TOM1L1: variants seen among roughly 807,000 people sequenced by gnomAD.
TOM1L1 encodes target of myb1 like 1 membrane trafficking protein, also known as TOM1-like protein 1.
In TOM1L1, 64 loss-of-function variants were observed where a neutral mutation model predicts 63.4. That is an observed-to-expected ratio of 1.01 (90% CI 0.83 to 1.24). The LOEUF (loss-of-function observed/expected upper bound fraction) is 1.24, where lower values mean the gene tolerates loss of function less well. TOM1L1 is among the 50% of genes most tolerant of loss of function. The pLI is 0.00. For synonymous variants in TOM1L1, 166 were observed against 194.4 expected, an observed-to-expected ratio of 0.85 and a Z score of 1.22; for missense variants, 536 against 567.0, an observed-to-expected ratio of 0.95 and a Z score of 0.55.
At chr17:54,907,375 T>TTAATC (rs956211874) in intron 3 of TOM1L1, among the ~76,000 whole-genome samples, 42 of 152,316 alleles carry the variant, frequency 2.8e-4, no homozygotes, top group Admixed American at 9.8e-4. Context: ...AGAAACAGAT[T>TTAATC]TATTTCCGAG....
At chr17:54,914,933 T>C (rs1344411994) in intron 6 of TOM1L1, among the ~76,000 whole-genome samples, 190 bp downstream of exon 6, 4 of 152,172 alleles carry the variant, frequency 2.6e-5, no homozygotes, top group South Asian at 2.1e-4. Flanking sequence ...ATCCCATGGG[T>C]TCTGTCTGCT....
rs757074106 is a variant in TOM1L1 at position 54,903,726 on chromosome 17, G to C, written c.77G>C (p.Gly26Ala). ...GHLIEKATFA[G>A]VQTEDWGQFM... is the part of the protein sequence containing the mutation. ...TTGGCAGAAAAGGCTACATTTGCTGGAGTTCAGACTGAAGATTGGGGCCAG... is the reference window on the plus strand; with the variant it reads ...TTGGCAGAAAAGGCTACATTTGCTGCAGTTCAGACTGAAGATTGGGGCCAG... The change falls in exon 2 of 16, where the codon GGA (glycine) becomes GCA (alanine). Residue 26 changes from glycine to alanine, a missense_variant. Physicochemically the swap from Gly to Ala is moderately conservative, Grantham distance 60 (BLOSUM62 0). Transcript: ENST00000575882. 6.8e-6 allele frequency: 11 copies of C among 1,614,046 alleles called. No individual in the cohort carries two copies. Among genetic ancestry groups the C allele is most frequent in the Non-Finnish European group, 8.5e-7 (1 of 1,180,042 alleles).
rs745355707 is a variant in TOM1L1, at chr17:54,914,657, A to G, written c.517A>G (p.Asn173Asp). 2 of 1,613,746 alleles carry G rather than the reference A, an allele frequency of 1.2e-6. No individual in the cohort carries two copies. Among genetic ancestry groups the G allele is most frequent in the Admixed American group, 1.7e-5 (1 of 60,014 alleles). Residue 173 changes from asparagine to aspartate, a missense_variant, in exon 6 of 16, where the codon AAT (asparagine) becomes GAT (aspartate). Coordinates refer to ENST00000575882, the MANE Select transcript of TOM1L1 (RefSeq NM_005486.3). ...CTCATAGACTGCTCAAATCTCATCA[A>G]ATCCTCCAACATCTGTCCCTACTGC... Reference protein sequence around the residue: ...ARQETAQISSNPPTSVPTAPA... With the variant: ...ARQETAQISSDPPTSVPTAPA...
chr17:54,906,610 C>T (rs2048415505), intron 3 of TOM1L1, among the ~76,000 whole-genome samples: 1 of 152,078 alleles, frequency 6.6e-6, no homozygotes, highest in Non-Finnish European at 1.5e-5. Flanking sequence ...CTGAGATGCT[C>T]TCAGCTCATT....
At chr17:54,907,153 C>CTT (rs74686562) in intron 3 of TOM1L1, among the ~76,000 whole-genome samples, 29,953 of 137,190 alleles carry the variant, frequency 0.22, 3,596 homozygotes, top group African/African-American at 0.28. Flanking sequence ...CCCCCTTCAC[C>CTT]TTTTTTTTTT....
chr17:54,941,773 C>T (rs950907949), intron 11 of TOM1L1, among the ~76,000 whole-genome samples: 1 of 152,118 alleles, frequency 6.6e-6, no homozygotes, highest in African/African-American at 2.4e-5. Context: ...ATTGCTGGTC[C>T]CCAGAAACTC....
intron 4 of TOM1L1, among the ~76,000 whole-genome samples, chr17:54,913,383 C>T (rs775631510): frequency 2.0e-4 from 30 of 151,980 alleles, no homozygotes; most frequent in Non-Finnish European, 3.8e-4. Context: ...ATTGTGTTTT[C>T]GGCTGGGTGC....
At chr17:54,913,400 T>G (rs2048526699) in intron 4 of TOM1L1, among the ~76,000 whole-genome samples, 1 of 152,146 alleles carries the variant, frequency 6.6e-6, no homozygotes, top group African/African-American at 2.4e-5. Context: ...GTGCGGTGGC[T>G]CACGCCTGTA....
intron 7 of TOM1L1, among the ~76,000 whole-genome samples, chr17:54,925,630 G>A (rs1470984081): frequency 1.3e-5 from 2 of 152,236 alleles, no homozygotes; most frequent in African/African-American, 2.4e-5. Context: ...GAGGCCAGAT[G>A]CGATGGAGCA....
At chr17:54,927,938 G>C (rs1313396012) in intron 7 of TOM1L1, among the ~76,000 whole-genome samples, 1 of 152,086 alleles carries the variant, frequency 6.6e-6, no homozygotes, top group Non-Finnish European at 1.5e-5. Flanking sequence ...TGTGACTGAG[G>C]GCTGTTGATG....
chr17:54,908,336 C>T (rs754860133), intron 3 of TOM1L1, among the ~76,000 whole-genome samples: 7 of 152,286 alleles, frequency 4.6e-5, no homozygotes, highest in African/African-American at 1.4e-4. Context: ...CTAGTCACCT[C>T]GTCTCAGACT....
At chr17:54,957,590 T>C (rs1415340001) in intron 14 of TOM1L1, 2 of 152,198 alleles carry the variant, frequency 1.3e-5, no homozygotes, top group Admixed American at 1.3e-4. Context: ...TGGGTCTTTC[T>C]TTCTGGGGGT....
Position 54,903,697 on chromosome 17 carries a change from T to G in TOM1L1, c.59-11T>G. On this transcript the variant is annotated splice_polypyrimidine_tract_variant and intron_variant, in intron 1 of 15. Coordinates refer to ENST00000575882, the MANE Select transcript of TOM1L1 (RefSeq NM_005486.3). ...TGTTGTAGCTCAGACTCAACAGCTT[T>G]TTCTTGGCAGAAAAGGCTACATTTG... is the stretch of plus-strand genomic sequence containing the variant. 1 of 1,613,792 alleles carries G rather than the reference T, an allele frequency of 6.2e-7. No individual in the cohort carries two copies. The highest frequency in any genetic ancestry group is 2.2e-5 in the East Asian group (1 of 44,878).
intron 8 of TOM1L1, 101 bp downstream of exon 8, chr17:54,930,307 T>A: frequency 6.6e-7 from 1 of 1,507,032 alleles, no homozygotes. Context: ...CCCCTCTTTC[T>A]AGATTCTCCA....
chr17:54,924,107 G>T (rs181920940), intron 7 of TOM1L1, among the ~76,000 whole-genome samples: 43 of 152,156 alleles, frequency 2.8e-4, no homozygotes, highest in Admixed American at 1.3e-3. Context: ...TGGCCACAGA[G>T]CCCTTCTCGG....
At position 54,914,678 on chromosome 17, in the gene TOM1L1, A is replaced by G; in HGVS notation, c.538A>G (p.Thr180Ala). The stretch of plus-strand genomic sequence containing the variant: ...ATCAAATCCTCCAACATCTGTCCCT[A>G]CTGCACCAGCTCTTTCTTCTGTAAT... Reference protein sequence around the residue: ...ISSNPPTSVPTAPALSSVIAP... With the variant: ...ISSNPPTSVPAAPALSSVIAP... The change falls in exon 6 of 16, where the codon ACT becomes GCT. Residue 180 changes from threonine (T) to alanine (A), a missense_variant. Thr to Ala is a moderately conservative substitution (Grantham distance 58). Coordinates refer to ENST00000575882, the MANE Select transcript of TOM1L1 (RefSeq NM_005486.3). The G allele has an allele frequency of 1.2e-6, 2 of 1,613,980 alleles. No homozygotes were observed. The highest frequency in any genetic ancestry group is 1.1e-5 in the South Asian group (1 of 91,084).
At chr17:54,914,414 A>T (rs75768682) in intron 5 of TOM1L1, among the ~76,000 whole-genome samples, 2,473 of 151,988 alleles carry the variant, frequency 0.016, 50 homozygotes, top group African/African-American at 0.057. Context: ...GTAAATGATA[A>T]TCCTAATAGC....
chr17:54,930,309 G>T lies in TOM1L1; in HGVS notation c.854+103G>T. On this transcript the variant is annotated intron_variant, in intron 8 of 15. Coordinates refer to ENST00000575882, the MANE Select transcript of TOM1L1 (RefSeq NM_005486.3). Reference sequence around the variant, plus strand: ...TGCCTACAAGTGACCCCTCTTTCTAGATTCTCCATTCTCAATAGGAAAGGT... The same window carrying T: ...TGCCTACAAGTGACCCCTCTTTCTATATTCTCCATTCTCAATAGGAAAGGT... 2.0e-6 allele frequency: 3 copies of T among 1,501,488 alleles called. No homozygotes were observed. The Admixed American group carries it at 5.4e-5, about 27-fold the overall frequency. 93.0% of individuals were successfully genotyped at this position (1,501,488 alleles called of 1,614,324 possible).
At chr17:54,952,984 T>G (rs2049311682) in intron 14 of TOM1L1, 1 of 152,238 alleles carries the variant, frequency 6.6e-6, no homozygotes, top group African/African-American at 2.4e-5. Flanking sequence ...CCAAGAATCT[T>G]TTATTTCCTT....
Sources: allele counts gnomAD v4.1 joint callset (sites outside exome capture counted in the v4.1 genomes callset), GRCh38; gene constraint gnomAD v4.1.1; transcripts MANE v1.5; gene names NCBI Gene and HGNC (gene_info 2026-07-23, HGNC 2026-07-21).